AACS: variants seen among roughly 807,000 people sequenced by gnomAD.
AACS encodes acetoacetate-CoA ligase.
Under a neutral mutation model 83.1 loss-of-function variants are expected in AACS, and 69 were observed. That is an observed-to-expected ratio of 0.83 (90% CI 0.68 to 1.01). AACS has a LOEUF of 1.01. AACS is among the 50% of genes least tolerant of loss of function. The probability of loss-of-function intolerance (pLI) is 0.00; values close to 1 mark genes in which losing one functional copy is unlikely to be tolerated. For missense variants in AACS, 866 were observed against 882.2 expected, an observed-to-expected ratio of 0.98 and a Z score of 0.23; for synonymous variants, 333 against 343.4, an observed-to-expected ratio of 0.97 and a Z score of 0.33.
At chr12:125,138,598 G>A (rs545281382) in intron 17 of AACS, 2 of 152,296 alleles carry the variant, frequency 1.3e-5, no homozygotes, top group East Asian at 3.9e-4. Flanking sequence ...GATCACGAGA[G>A]TAGTGGAACA....
chr12:125,136,624 C>A (rs1957404207), intron 16 of AACS, 38 bp from the exon 17 acceptor site: 4 of 1,587,042 alleles, frequency 2.5e-6, no homozygotes, highest in Non-Finnish European at 3.4e-6. Context: ...CACTGAGGGG[C>A]CCCCTGCGTG....
intron 9 of AACS, among the ~76,000 whole-genome samples, chr12:125,115,261 T>A (rs1048049142): frequency 7.9e-6 from 1 of 126,972 alleles, no homozygotes; most frequent in Non-Finnish European, 1.7e-5. Flanking sequence ...CTGTGCTGAG[T>A]TTTTTTTTTT....
intron 3 of AACS, among the ~76,000 whole-genome samples, chr12:125,083,810 C>T (rs1039802392): frequency 9.2e-5 from 14 of 151,744 alleles, no homozygotes; most frequent in Admixed American, 2.0e-4. Context: ...TCCACCACCA[C>T]GCCCGGCTAA....
At chr12:125,121,019 G>C (rs891395624) in intron 10 of AACS, 1 of 152,344 alleles carries the variant, frequency 6.6e-6, no homozygotes, top group Non-Finnish European at 1.5e-5. Context: ...ACGCGTACAT[G>C]TGCAAGTGTT....
chr12:125,103,881 G>A (rs1311183232), intron 7 of AACS, among the ~76,000 whole-genome samples: 8 of 150,266 alleles, frequency 5.3e-5, no homozygotes, highest in Admixed American at 4.0e-4. Context: ...CCAGCTACTC[G>A]GGAGGCTGAG....
rs372244554 is a variant in AACS at position 125,134,822 on chromosome 12, C to T, written c.1648C>T (p.Arg550Trp). The change falls in exon 16 of 18, where the codon CGG becomes TGG. Residue 550 changes from arginine (R) to tryptophan (W), a missense_variant. Coordinates refer to ENST00000316519, the MANE Select transcript of AACS (RefSeq NM_023928.5). Reference protein sequence around the residue: ...SDGTLNPNGVRFGSSEIYNIV... With the variant: ...SDGTLNPNGVWFGSSEIYNIV... Reference sequence around the variant, plus strand: ...CGGCACCCTCAACCCCAACGGGGTGCGGTTCGGCAGCTCGGAAATCTATAA... The same window carrying T: ...CGGCACCCTCAACCCCAACGGGGTGTGGTTCGGCAGCTCGGAAATCTATAA... The T allele has an allele frequency of 6.8e-6, 11 of 1,614,026 alleles. No homozygotes were observed. Among genetic ancestry groups the T allele is most frequent in the Admixed American group, 3.3e-5 (2 of 60,002 alleles).
At chr12:125,125,426 G>C (rs1215835652) in intron 12 of AACS, among the ~76,000 whole-genome samples, 1 of 152,184 alleles carries the variant, frequency 6.6e-6, no homozygotes, top group Non-Finnish European at 1.5e-5. Context: ...ACAGCACCCT[G>C]CCCCACCCTG....
At position 125,118,352 on chromosome 12, in the gene AACS, T is replaced by G. The variant is rs141652701; in HGVS notation, c.997-289T>G. On this transcript the variant is annotated intron_variant, in intron 9 of 17. Transcript: ENST00000316519. ...GTGTCAGTAGCAAGTGTGCACCTCC[T>G]GTGGCCTTGCTTGTGTCGATAACAC... 1.2e-3 allele frequency: 439 copies of G among 381,168 alleles called. 3 individuals are homozygous for G. The highest frequency in any genetic ancestry group is 1.8e-3 in the Non-Finnish European group (360 of 200,790). 23.6% of individuals were successfully genotyped at this position (381,168 alleles called of 1,614,324 possible).
rs1287197798 is a variant in AACS at position 125,065,538 on chromosome 12, C to G, written c.-47C>G. ...TCCCCGGCCCTCGCCTCAGCCCCGG[C>G]CCCTGGTCCCCAGCCCTCGTCGCAG... On this transcript the variant is annotated 5_prime_UTR_variant, in exon 1 of 18. Transcript: ENST00000316519. 1 of 1,460,878 alleles carries G rather than the reference C, an allele frequency of 6.8e-7. No homozygotes were observed. Among genetic ancestry groups the G allele is most frequent in the South Asian group, 1.4e-5 (1 of 72,824 alleles). The allele number at this position is 1,460,878 out of a possible 1,614,324, so 90.5% of individuals were successfully genotyped here.
chr12:125,118,668 G>C lies in AACS; in HGVS notation c.1024G>C (p.Val342Leu). 1.2e-6 allele frequency: 2 copies of C among 1,614,150 alleles called. No homozygotes were observed. Among genetic ancestry groups the C allele is most frequent in the Non-Finnish European group, 1.7e-6 (2 of 1,180,022 alleles). ...CGGCTGGATGATGTGGAACTGGATG[G>C]TGTCCCTTCTGGCCACAGGAGCGGC... is the stretch of plus-strand genomic sequence containing the variant. ...TVGWMMWNWM[V>L]SLLATGAAMV... The change falls in exon 10 of 18, where the codon GTG (valine) becomes CTG (leucine). Residue 342 changes from valine (V) to leucine (L), a missense_variant. Coordinates refer to ENST00000316519, the MANE Select transcript of AACS (RefSeq NM_023928.5).
In AACS at chr12:125,118,719, C is replaced by G. The variant is rs756356794; in HGVS notation, c.1075C>G (p.Leu359Val). 9 of 1,614,138 alleles carry G rather than the reference C, an allele frequency of 5.6e-6. No individual in the cohort carries two copies. Among genetic ancestry groups the G allele is most frequent in the Non-Finnish European group, 7.6e-6 (9 of 1,179,992 alleles). Residue 359 changes from leucine (L) to valine (V), a missense_variant, in exon 10 of 18, where the codon CTG becomes GTG. Leu to Val is a conservative substitution (Grantham distance 32). Coordinates refer to ENST00000316519, the MANE Select transcript of AACS (RefSeq NM_023928.5). ...CATGGTCTTGTACGATGGCTCCCCCCTGGTGCCCACGCCCAATGTGCTCTG... is the reference window on the plus strand; with the variant it reads ...CATGGTCTTGTACGATGGCTCCCCCGTGGTGCCCACGCCCAATGTGCTCTG... The part of the protein sequence containing the change: ...AAMVLYDGSP[L>V]VPTPNVLWDL...
chr12:125,080,132 G>C (rs1956134250), intron 3 of AACS, among the ~76,000 whole-genome samples: 1 of 152,176 alleles, frequency 6.6e-6, no homozygotes, highest in South Asian at 2.1e-4. Flanking sequence ...CTCAGGCACT[G>C]CAGTGCATGT....
intron 17 of AACS, chr12:125,139,289 T>C (rs1284390190): frequency 6.6e-6 from 1 of 152,316 alleles, no homozygotes; most frequent in Non-Finnish European, 1.5e-5. Flanking sequence ...AGGGTGGTGA[T>C]GCGGCACCAT....
At chr12:125,078,276 A>T in intron 3 of AACS, 1 of 455,816 alleles carries the variant, frequency 2.2e-6, no homozygotes, top group Non-Finnish European at 4.4e-6. Context: ...GCTGGGGCCC[A>T]GGCTTCCATG....
intron 5 of AACS, among the ~76,000 whole-genome samples, chr12:125,091,856 A>G (rs1423114658): frequency 6.6e-6 from 1 of 152,232 alleles, no homozygotes; most frequent in Non-Finnish European, 1.5e-5. Flanking sequence ...TGCTAAGTGT[A>G]TGTCCTCTGA....
intron 5 of AACS, chr12:125,092,678 C>T (rs1427379729): frequency 6.6e-6 from 1 of 151,922 alleles, no homozygotes; most frequent in East Asian, 1.9e-4. Context: ...GTGTTCTTTC[C>T]CAGGCCATCT....
chr12:125,076,872 C>A (rs1043571032), intron 3 of AACS, among the ~76,000 whole-genome samples: 2 of 152,104 alleles, frequency 1.3e-5, no homozygotes, highest in African/African-American at 4.8e-5. Context: ...GGAACTATAA[C>A]TAGAATCTCT....
Position 125,134,866 on chromosome 12 carries a change from C to CT in AACS, c.1678+15dup, listed in dbSNP as rs1957379951. 1 of 1,613,930 alleles carries CT rather than the reference C, an allele frequency of 6.2e-7. No homozygotes were observed. Among genetic ancestry groups the CT allele is most frequent in the Non-Finnish European group, 8.5e-7 (1 of 1,180,000 alleles). ...TCTATAACATTGGTACGTGCTTCCCCTCCCTGAGCGTTCTCCAGTCTCCAG... is the reference window on the plus strand; with the variant it reads ...TCTATAACATTGGTACGTGCTTCCCCTTCCCTGAGCGTTCTCCAGTCTCCAG... On this transcript the variant is annotated intron_variant, in intron 16 of 17. Coordinates refer to ENST00000316519, the MANE Select transcript of AACS (RefSeq NM_023928.5).
chr12:125,085,016 A>G (rs1956298186), intron 3 of AACS, among the ~76,000 whole-genome samples: 2 of 152,142 alleles, frequency 1.3e-5, no homozygotes, highest in African/African-American at 2.4e-5. Flanking sequence ...CTCAGCCTAT[A>G]TAACATTCTT....
Sources: gnomAD v4.1 joint callset for allele counts (sites outside exome capture counted in the v4.1 genomes callset) on GRCh38, gnomAD v4.1.1 for gene constraint, MANE v1.5 for transcripts, NCBI Gene and HGNC (gene_info 2026-07-23, HGNC 2026-07-21) for gene names.